GAS6: variants seen among roughly 807,000 people sequenced by gnomAD.
GAS6 encodes the protein growth arrest-specific protein 6.
GAS6 carries 41 observed loss-of-function variants against 75.8 expected under a neutral mutation model. That is an observed-to-expected ratio of 0.54 (90% confidence interval 0.42 to 0.70). The LOEUF is 0.70. Ranked by LOEUF, GAS6 falls within the 30% of genes least tolerant of loss-of-function variation. The pLI is 0.00. For synonymous variants in GAS6, 432 were observed against 412.6 expected (o/e 1.05, Z -0.57); for missense variants, 854 against 940.2 (o/e 0.91, Z 1.20).
intron 2 of GAS6, among the ~76,000 whole-genome samples, chr13:113,850,037 G>T (rs899463596): frequency 6.6e-6 from 1 of 152,180 alleles, no homozygotes; most frequent in African/African-American, 2.4e-5. Context: ...GACATTTCAC[G>T]TTGTCCTGAG....
intron 11 of GAS6, among the ~76,000 whole-genome samples, 160 bp downstream of exon 11, chr13:113,828,387 C>T (rs138771369): frequency 0.019 from 2,958 of 152,280 alleles, 58 homozygotes; most frequent in Non-Finnish European, 0.032. Context: ...CATAGCTGTA[C>T]GGCGACTTTG....
chr13:113,833,956 T>A (rs1184521923), intron 8 of GAS6, among the ~76,000 whole-genome samples: 3 of 130,440 alleles, frequency 2.3e-5, no homozygotes, highest in African/African-American at 9.2e-5. Flanking sequence ...GTGTGACAGG[T>A]AGGTCATGCT....
intron 8 of GAS6, chr13:113,833,607 C>T (rs896868561): frequency 1.0e-5 from 9 of 903,572 alleles, no homozygotes; most frequent in Non-Finnish European, 1.0e-5. Flanking sequence ...GTGTGACAGG[C>T]ACCGGTGTGA....
chr13:113,856,365 A>G (rs1367755400), intron 2 of GAS6, among the ~76,000 whole-genome samples: 1 of 152,136 alleles, frequency 6.6e-6, no homozygotes, highest in African/African-American at 2.4e-5. Context: ...AATGCCCAGG[A>G]CACACTGTAG....
intron 14 of GAS6, chr13:113,821,508 C>T (rs2051457945): frequency 8.6e-6 from 2 of 233,198 alleles, no homozygotes. Flanking sequence ...TCCCCGGTCC[C>T]AGCCTCTGTG....
intron 4 of GAS6, chr13:113,840,364 G>C (rs2051762744): frequency 6.1e-6 from 1 of 163,204 alleles, no homozygotes; most frequent in Non-Finnish European, 1.3e-5. Context: ...CTGCTTAGCT[G>C]CCCCCTCTCC....
chr13:113,834,217 C>T (rs1465530672), intron 8 of GAS6, among the ~76,000 whole-genome samples: 1 of 150,122 alleles, frequency 6.7e-6, no homozygotes, highest in African/African-American at 2.5e-5. Context: ...CCCGGTGTGA[C>T]AGGTCGGTGT....
chr13:113,846,829 G>A (rs976824032), intron 3 of GAS6: 27 of 553,536 alleles, frequency 4.9e-5, no homozygotes, highest in African/African-American at 7.5e-5. Context: ...AGTGCGTAAA[G>A]CACCGCCCGC....
At chr13:113,855,198 A>G (rs2051904824) in intron 2 of GAS6, among the ~76,000 whole-genome samples, 1 of 152,338 alleles carries the variant, frequency 6.6e-6, no homozygotes, top group Middle Eastern at 3.4e-3. Flanking sequence ...CACGGCACCC[A>G]TGCTTCAGGT....
At position 113,835,652 on chromosome 13, in the gene GAS6, A is replaced by C. The variant is rs201581393; in HGVS notation, c.590-17T>G. On this transcript the variant is annotated splice_polypyrimidine_tract_variant and intron_variant, in intron 6 of 14. Transcript: ENST00000327773. ...CGTCTATGTCTGCAAGCAAAAAAAA[A>C]CCGGCCAACCGCAGCACAGCGGCAT... 4.4e-6 allele frequency: 7 copies of C among 1,609,040 alleles called. No individual in the cohort carries two copies. The highest frequency in any genetic ancestry group is 1.1e-5 in the South Asian group (1 of 90,846).
chr13:113,822,308 C>G, intron 13 of GAS6, 122 bp from the exon 14 acceptor site: 1 of 708,796 alleles, frequency 1.4e-6, no homozygotes, highest in Non-Finnish European at 2.2e-6. Context: ...GTCCAGGGTT[C>G]CCTGCAGCCC....
At chr13:113,823,941 T>C (rs1371429365) in intron 12 of GAS6, among the ~76,000 whole-genome samples, 2 of 152,232 alleles carry the variant, frequency 1.3e-5, no homozygotes, top group Non-Finnish European at 2.9e-5. Context: ...GCCTCGTGCC[T>C]CGCATCTCAC....
rs571376110 is a variant in GAS6, at chr13:113,837,069, G to A, written c.589+1000C>T. Reference sequence around the variant, plus strand: ...GACGTCATCTCTCAGGATCGGCCTAGTCTTCACCTCTCTTTAAACCTGGGG... The same window carrying A: ...GACGTCATCTCTCAGGATCGGCCTAATCTTCACCTCTCTTTAAACCTGGGG... On this transcript the variant is annotated intron_variant, in intron 6 of 14. Coordinates refer to ENST00000327773, the MANE Select transcript of GAS6 (RefSeq NM_000820.4). This position sits in a 1 kb window ranked among gnomAD's most constrained non-coding sequence, Gnocchi z 5.1. 2.0e-4 allele frequency among the ~76,000 whole-genome samples: 31 copies of A among 151,964 alleles called. No individual in the cohort carries two copies. The highest frequency in any genetic ancestry group is 7.2e-4 in the African/African-American group (30 of 41,418).
At chr13:113,851,839 C>T (rs1377905500) in intron 2 of GAS6, among the ~76,000 whole-genome samples, 1 of 152,230 alleles carries the variant, frequency 6.6e-6, no homozygotes, top group East Asian at 1.9e-4. Context: ...AGTGTTTGTG[C>T]TGTAATTCCT....
Position 113,820,705 on chromosome 13 carries a change from G to A in GAS6, c.*159C>T, listed in dbSNP as rs1594184682. The A allele has an allele frequency of 1.2e-6, 1 of 867,506 alleles. No individual in the cohort carries two copies. Among genetic ancestry groups the A allele is most frequent in the South Asian group, 1.9e-5 (1 of 53,270 alleles). The allele number at this position is 867,506 out of a possible 1,614,324, so 53.7% of individuals were successfully genotyped here. On this transcript the variant is annotated 3_prime_UTR_variant, in exon 15 of 15. Transcript: ENST00000327773. ...CCACGGCTGAGTGCGCGGCGTCAGAGGCCCCAAGTCCATCTCACTATTTAC... is the reference window on the plus strand; with the variant it reads ...CCACGGCTGAGTGCGCGGCGTCAGAAGCCCCAAGTCCATCTCACTATTTAC...
At chr13:113,829,361 G>GTCTC (rs2051598028) in intron 10 of GAS6, among the ~76,000 whole-genome samples, 1 of 148,418 alleles carries the variant, frequency 6.7e-6, no homozygotes, top group African/African-American at 2.5e-5. Context: ...GGCCAAGAGG[G>GTCTC]ACCTGACCTC....
At chr13:113,855,622 T>C (rs57215138) in intron 2 of GAS6, among the ~76,000 whole-genome samples, 14,491 of 152,162 alleles carry the variant, frequency 0.095, 913 homozygotes, top group East Asian at 0.17. Context: ...CAGCTGTGCT[T>C]GGGACGCCGG....
intron 14 of GAS6, chr13:113,821,322 T>G (rs897367442): frequency 1.8e-5 from 8 of 433,378 alleles, no homozygotes; most frequent in Non-Finnish European, 3.4e-5. Flanking sequence ...GCTGCAGGCC[T>G]CCTGGCTCGC....
intron 8 of GAS6, chr13:113,833,264 G>T: frequency 9.6e-7 from 1 of 1,046,980 alleles, no homozygotes; most frequent in Non-Finnish European, 1.2e-6. Context: ...GGGCAGCCAG[G>T]GTGAGCTGGA....
Sources: allele counts gnomAD v4.1 joint callset (sites outside exome capture counted in the v4.1 genomes callset), GRCh38; gene constraint gnomAD v4.1.1; non-coding constraint Gnocchi (gnomAD v3.1); transcripts MANE v1.5; gene names NCBI Gene and HGNC (gene_info 2026-07-23, HGNC 2026-07-21).